ADK: variants seen among roughly 807,000 people sequenced by gnomAD.
The protein encoded by ADK is N6,N6-dimethyladenosine kinase.
ADK carries 24 observed loss-of-function variants against 44.7 expected under a neutral mutation model. The observed-to-expected ratio is 0.54, with a 90% confidence interval of 0.39 to 0.76. ADK has a LOEUF of 0.76. ADK is among the 30% of genes least tolerant of loss of function. The pLI is 0.00. For synonymous variants in ADK, 128 were observed against 142.6 expected, an observed-to-expected ratio of 0.90 and a Z score of 0.73; for missense variants, 321 against 425.1, an observed-to-expected ratio of 0.76 and a Z score of 2.15.
intron 8 of ADK, among the ~76,000 whole-genome samples, chr10:74,596,949 G>A (rs888692117): frequency 5.3e-5 from 8 of 152,112 alleles, no homozygotes; most frequent in Admixed American, 2.0e-4. Flanking sequence ...GATTTAATGA[G>A]CACTTTAGAG....
At chr10:74,511,199 C>G (rs1453463254) in intron 6 of ADK, among the ~76,000 whole-genome samples, 1 of 152,192 alleles carries the variant, frequency 6.6e-6, no homozygotes, top group East Asian at 1.9e-4. Flanking sequence ...TCTGGGTTCT[C>G]TATGCCTTTC....
intron 3 of ADK, among the ~76,000 whole-genome samples, chr10:74,226,424 C>T (rs905123965): frequency 3.3e-5 from 5 of 152,086 alleles, no homozygotes; most frequent in South Asian, 2.1e-4. Context: ...CATTTTATTA[C>T]GAAAAGTTTT....
At chr10:74,192,528 T>C (rs1375998357) in intron 1 of ADK, among the ~76,000 whole-genome samples, 1 of 115,274 alleles carries the variant, frequency 8.7e-6, no homozygotes, top group Non-Finnish European at 1.6e-5. Context: ...ACCTGGCCCA[T>C]TTTTTTTTTT....
chr10:74,154,184 A>G (rs1251251472), intron 1 of ADK, among the ~76,000 whole-genome samples: 1 of 152,104 alleles, frequency 6.6e-6, no homozygotes, highest in East Asian at 1.9e-4. Context: ...GCAGAGATGT[A>G]TGGGGTCCAG....
At chr10:74,180,933 T>C (rs1029003714) in intron 1 of ADK, among the ~76,000 whole-genome samples, 2 of 152,254 alleles carry the variant, frequency 1.3e-5, no homozygotes, top group African/African-American at 4.8e-5. Context: ...ACCAGTGTTG[T>C]TGGATAAGTG....
chr10:74,357,382 G>T (rs1207343140), intron 4 of ADK, among the ~76,000 whole-genome samples: 1 of 151,660 alleles, frequency 6.6e-6, no homozygotes, highest in Non-Finnish European at 1.5e-5. Context: ...GCTCATTTCA[G>T]CCTTCGAACT....
chr10:74,477,387 T>G (rs1259657824), intron 6 of ADK, among the ~76,000 whole-genome samples: 7 of 152,018 alleles, frequency 4.6e-5, no homozygotes, highest in African/African-American at 1.7e-4. Context: ...TACAATATGT[T>G]TTTAGAGATA....
In ADK at chr10:74,398,596, T is replaced by C. The variant is rs1359775571; in HGVS notation, c.555+17T>C. The C allele has an allele frequency of 7.1e-7, 1 of 1,401,064 alleles. No homozygotes were observed. The highest frequency in any genetic ancestry group is 1.7e-5 in the Admixed American group (1 of 59,204). The allele number at this position is 1,401,064 out of a possible 1,614,324, so 86.8% of individuals were successfully genotyped here. A position where few individuals can be genotyped will look rare whatever the true frequency, so the allele number is the denominator to read the frequency against. ...TATATAGCAGTAAGTACTTACCTAATTCAAATCTCTAGTACATATTTACAT... is the reference window on the plus strand; with the variant it reads ...TATATAGCAGTAAGTACTTACCTAACTCAAATCTCTAGTACATATTTACAT... On this transcript the variant is annotated intron_variant, in intron 6 of 10. Transcript: ENST00000539909.
At chr10:74,491,761 A>G (rs1297678122) in intron 6 of ADK, among the ~76,000 whole-genome samples, 1 of 152,090 alleles carries the variant, frequency 6.6e-6, no homozygotes, top group Admixed American at 6.6e-5. Flanking sequence ...GTGGGAGTGT[A>G]GGTTTACTTA....
chr10:74,471,418 G>A (rs1481139494), intron 6 of ADK, among the ~76,000 whole-genome samples: 1 of 152,092 alleles, frequency 6.6e-6, no homozygotes, highest in African/African-American at 2.4e-5. Flanking sequence ...TGTGTAATAT[G>A]TTTTGAAATC....
At chr10:74,372,040 A>G in intron 4 of ADK, 1 of 765,116 alleles carries the variant, frequency 1.3e-6, no homozygotes, top group Admixed American at 1.7e-5. Flanking sequence ...AAGGGAGCTC[A>G]CTCAATGGGT....
intron 9 of ADK, among the ~76,000 whole-genome samples, chr10:74,631,112 G>C (rs557751201): frequency 6.6e-6 from 1 of 152,002 alleles, no homozygotes; most frequent in South Asian, 2.1e-4. Context: ...TCCAGGTTCA[G>C]CTTGTGTTTT....
chr10:74,304,838 C>T (rs1261488722), intron 3 of ADK, among the ~76,000 whole-genome samples: 2 of 152,064 alleles, frequency 1.3e-5, no homozygotes, highest in East Asian at 1.9e-4. Context: ...TCATCAGGCA[C>T]TATGCTTAAA....
At chr10:74,573,758 G>C (rs1242798834) in intron 7 of ADK, among the ~76,000 whole-genome samples, 1 of 152,186 alleles carries the variant, frequency 6.6e-6, no homozygotes, top group East Asian at 1.9e-4. Flanking sequence ...TTTGATCTCA[G>C]ACTGCTGTGC....
chr10:74,214,081 T>G (rs1771706806), intron 2 of ADK, among the ~76,000 whole-genome samples: 1 of 152,226 alleles, frequency 6.6e-6, no homozygotes, highest in African/African-American at 2.4e-5. Flanking sequence ...TAATTGAGTT[T>G]TAATCCTCGT....
Position 74,708,773 on chromosome 10 carries a change from C to A in ADK, c.*328C>A. 1 of 248,210 alleles carries A rather than the reference C, an allele frequency of 4.0e-6. No individual in the cohort carries two copies. Among genetic ancestry groups the A allele is most frequent in the East Asian group, 1.1e-4 (1 of 9,340 alleles). The allele number at this position is 248,210 out of a possible 1,614,324, so 15.4% of individuals were successfully genotyped here. ...TTTAGTACACTGATTTGTTTTTTTACATTTCTGCTTTGAATGCAGATGCAA... is the reference window on the plus strand; with the variant it reads ...TTTAGTACACTGATTTGTTTTTTTAAATTTCTGCTTTGAATGCAGATGCAA... On this transcript the variant is annotated 3_prime_UTR_variant, in exon 11 of 11. Coordinates refer to ENST00000539909, the MANE Select transcript of ADK (RefSeq NM_006721.4).
intron 6 of ADK, among the ~76,000 whole-genome samples, chr10:74,472,695 G>A (rs1846643640): frequency 6.6e-6 from 1 of 152,130 alleles, no homozygotes; most frequent in Non-Finnish European, 1.5e-5. Context: ...TTCAGCCATT[G>A]TAGCCACTTA....
At chr10:74,531,091 G>A (rs1849276353) in intron 7 of ADK, among the ~76,000 whole-genome samples, 1 of 152,140 alleles carries the variant, frequency 6.6e-6, no homozygotes, top group African/African-American at 2.4e-5. Flanking sequence ...ATCCCAACAA[G>A]TCTTCAGCTG....
chr10:74,309,696 A>G (rs1592026005), intron 3 of ADK, among the ~76,000 whole-genome samples: 1 of 147,996 alleles, frequency 6.8e-6, no homozygotes, highest in African/African-American at 2.5e-5. Context: ...AACAAACACC[A>G]TCACTCTTGA....
Sources: allele counts gnomAD v4.1 joint callset (sites outside exome capture counted in the v4.1 genomes callset), GRCh38; gene constraint gnomAD v4.1.1; transcripts MANE v1.5; gene names NCBI Gene and HGNC (gene_info 2026-07-23, HGNC 2026-07-21).